XPO6: variants seen among roughly 807,000 people sequenced by gnomAD.
The protein encoded by XPO6 is exportin-6.
In XPO6, 3 loss-of-function variants were observed where a neutral mutation model predicts 130.0. That is an observed-to-expected ratio of 0.02 (90% CI 0.01 to 0.06). The LOEUF is 0.06. Ranked by LOEUF, XPO6 falls within the 10% of genes least tolerant of loss-of-function variation. The probability of loss-of-function intolerance (pLI) is 1.00; values close to 1 mark genes in which losing one functional copy is unlikely to be tolerated. For missense variants in XPO6, 970 were observed against 1,393.0 expected (o/e 0.70, Z 4.83); for synonymous variants, 524 against 548.9 (o/e 0.95, Z 0.63).
chr16:28,167,206 G>T, intron 5 of XPO6: 1 of 985,354 alleles, frequency 1.0e-6, no homozygotes, highest in East Asian at 1.1e-4. Flanking sequence ...ACACGATGGG[G>T]GCTTCAGAAA....
At chr16:28,194,984 C>T (rs2043836757) in intron 1 of XPO6, among the ~76,000 whole-genome samples, 3 of 150,726 alleles carry the variant, frequency 2.0e-5, no homozygotes, top group Admixed American at 1.3e-4. Context: ...ATGCTCCTGA[C>T]TCCTCGAAAA....
chr16:28,170,565 T>C (rs140132197), intron 4 of XPO6, among the ~76,000 whole-genome samples: 80 of 152,338 alleles, frequency 5.3e-4, no homozygotes, highest in African/African-American at 1.8e-3. Context: ...TGTGTATGTA[T>C]ATAAATTATA....
At chr16:28,120,451 A>G (rs930482063) in intron 14 of XPO6, among the ~76,000 whole-genome samples, 1 of 152,214 alleles carries the variant, frequency 6.6e-6, no homozygotes, top group Non-Finnish European at 1.5e-5. Flanking sequence ...ATTTTATTTT[A>G]TATTTAGAAT....
intron 13 of XPO6, among the ~76,000 whole-genome samples, chr16:28,123,922 C>T (rs2087317976): frequency 6.6e-6 from 1 of 152,052 alleles, no homozygotes; most frequent in Non-Finnish European, 1.5e-5. Flanking sequence ...TAAATGAAGA[C>T]AAAATATTAA....
In XPO6 at chr16:28,161,169, T is replaced by G. The variant is rs115162655; in HGVS notation, c.644-4642A>C. Among the ~76,000 whole-genome samples, 1,522 of 152,352 alleles carry G rather than the reference T, an allele frequency of 1.0e-2. 33 individuals carry two copies. Among genetic ancestry groups the G allele is most frequent in the African/African-American group, 0.035 (1,449 of 41,566 alleles). ...GAATAGTCATTTCTGAAGGGTTAACTGCAATGTGGAATCTGGAATTAACTT... is the reference window on the plus strand; with the variant it reads ...GAATAGTCATTTCTGAAGGGTTAACGGCAATGTGGAATCTGGAATTAACTT... On this transcript the variant is annotated intron_variant, in intron 6 of 23. Coordinates refer to ENST00000304658, the MANE Select transcript of XPO6 (RefSeq NM_015171.4).
intron 6 of XPO6, 84 bp from the exon 7 acceptor site, chr16:28,156,611 T>A (rs935477235): frequency 1.2e-6 from 1 of 810,836 alleles, no homozygotes; most frequent in Non-Finnish European, 1.8e-6. Context: ...AAAAAATATA[T>A]ATATATATGT....
intron 12 of XPO6, among the ~76,000 whole-genome samples, chr16:28,128,222 C>G (rs2042598921): frequency 6.6e-6 from 1 of 152,166 alleles, no homozygotes; most frequent in Admixed American, 6.5e-5. Flanking sequence ...AAACCTGCTC[C>G]TCCTCTGCAC....
intron 7 of XPO6, chr16:28,153,048 A>C: frequency 9.1e-7 from 1 of 1,101,970 alleles, no homozygotes; most frequent in Middle Eastern, 4.1e-4. Context: ...ACATTTTCTA[A>C]GTCATTTGTG....
chr16:28,144,764 T>C (rs1397420458), intron 9 of XPO6, among the ~76,000 whole-genome samples: 1 of 152,200 alleles, frequency 6.6e-6, no homozygotes, highest in Non-Finnish European at 1.5e-5. Flanking sequence ...ATTCTAAATA[T>C]GTTAGTTCGT....
At chr16:28,175,169 G>A (rs149244228) in intron 4 of XPO6, among the ~76,000 whole-genome samples, 4 of 151,422 alleles carry the variant, frequency 2.6e-5, no homozygotes, top group African/African-American at 9.7e-5. Context: ...CTCACCTATT[G>A]TCACTGGCCT....
intron 15 of XPO6, among the ~76,000 whole-genome samples, chr16:28,114,362 G>A (rs998223376): frequency 6.6e-6 from 1 of 152,122 alleles, no homozygotes; most frequent in Non-Finnish European, 1.5e-5. Context: ...AGTCTGGAAG[G>A]ATATACAGGC....
intron 4 of XPO6, among the ~76,000 whole-genome samples, chr16:28,171,455 A>G (rs969422432): frequency 1.1e-4 from 16 of 148,252 alleles, no homozygotes; most frequent in African/African-American, 4.0e-4. Flanking sequence ...TCTGTCTCAA[A>G]AAAAAAAAAA....
At chr16:28,197,594 T>C (rs536073005) in intron 1 of XPO6, among the ~76,000 whole-genome samples, 170 of 152,168 alleles carry the variant, frequency 1.1e-3, no homozygotes, top group Admixed American at 2.9e-3. Flanking sequence ...GTAACCTTTC[T>C]GGAAAACATG....
At chr16:28,201,834 G>A (rs1417156235) in intron 1 of XPO6, among the ~76,000 whole-genome samples, 9 of 152,142 alleles carry the variant, frequency 5.9e-5, no homozygotes, top group African/African-American at 1.2e-4. Flanking sequence ...CAGCCTGGGC[G>A]ACAAAGCGAG....
In XPO6 at chr16:28,113,090, G is replaced by A. The variant is rs749646060; in HGVS notation, c.2005-40C>T. 8 of 1,593,056 alleles carry A rather than the reference G, an allele frequency of 5.0e-6. No homozygotes were observed. In the African/African-American group the frequency reaches 8.1e-5, roughly 16 times the overall value. The stretch of plus-strand genomic sequence containing the variant: ...GGGCACGTCAGCTCACCACATCCCT[G>A]TAAGACTGGGATTCGAACTTTGCTG... On this transcript the variant is annotated intron_variant, in intron 15 of 23. Transcript: ENST00000304658.
chr16:28,207,676 T>C (rs2044055442), intron 1 of XPO6, among the ~76,000 whole-genome samples: 1 of 152,188 alleles, frequency 6.6e-6, no homozygotes, highest in East Asian at 1.9e-4. Flanking sequence ...TTCCTTCCCA[T>C]GAGGCAGCAC....
chr16:28,106,202 G>A lies in XPO6; in HGVS notation c.2625C>T (p.Ala875=), dbSNP rs199796986. The A allele has an allele frequency of 3.2e-5, 52 of 1,614,044 alleles. No homozygotes were observed. The highest frequency in any genetic ancestry group is 3.9e-5 in the Non-Finnish European group (46 of 1,180,024). ...FLNMFTREQL[A]ESILHEGSTG... The stretch of plus-strand genomic sequence containing the variant: ...TGCTGCCCTCGTGGAGGATGCTCTC[G>A]GCTAACTGCTCTCTACAGAGGAGAA... The change falls in exon 20 of 24, where the codon GCC becomes GCT. Residue 875 remains alanine (A), a synonymous_variant. Transcript: ENST00000304658. The surrounding 1 kb of genome is among the most constrained non-coding windows in gnomAD (Gnocchi z 4.2).
intron 12 of XPO6, among the ~76,000 whole-genome samples, chr16:28,128,786 G>C (rs916983381): frequency 2.0e-5 from 3 of 152,020 alleles, no homozygotes; most frequent in Non-Finnish European, 4.4e-5. Flanking sequence ...CACAAACACG[G>C]GTAAAGTAAA....
intron 4 of XPO6, among the ~76,000 whole-genome samples, chr16:28,174,006 T>A (rs2043495335): frequency 6.6e-6 from 1 of 152,058 alleles, no homozygotes; most frequent in African/African-American, 2.4e-5. Context: ...CAGGAATAGG[T>A]TCACTTAGAC....
Sources: gnomAD v4.1 joint callset for allele counts (sites outside exome capture counted in the v4.1 genomes callset) on GRCh38, gnomAD v4.1.1 for gene constraint, Gnocchi (gnomAD v3.1) non-coding constraint, MANE v1.5 for transcripts, NCBI Gene and HGNC (gene_info 2026-07-23, HGNC 2026-07-21) for gene names.